Variants in NFKB1 observed in about 807,000 individuals in gnomAD.
The protein encoded by NFKB1 is nuclear factor NF-kappa-B p105 subunit.
NFKB1 carries 9 observed loss-of-function variants against 105.1 expected under a neutral mutation model. The ratio of observed to expected loss-of-function variants is 0.09; its 90% confidence interval spans 0.05 to 0.15. The LOEUF (loss-of-function observed/expected upper bound fraction) is 0.15. Among genes scored for constraint, NFKB1 ranks in the 10% least tolerant of loss-of-function variants. NFKB1 has a pLI of 1.00. For synonymous variants in NFKB1, 440 were observed against 442.2 expected, an observed-to-expected ratio of 1.00 and a Z score of 0.06; for missense variants, 830 against 1,203.7, an observed-to-expected ratio of 0.69 and a Z score of 4.59.
chr4:102,541,422 C>G (rs1243145083), intron 5 of NFKB1, among the ~76,000 whole-genome samples: 1 of 152,106 alleles, frequency 6.6e-6, no homozygotes, highest in Admixed American at 6.6e-5. Context: ...TGTATAATTT[C>G]TGTTAGAATA....
At chr4:102,509,372 T>C (rs1216891635) in intron 1 of NFKB1, among the ~76,000 whole-genome samples, 1 of 152,190 alleles carries the variant, frequency 6.6e-6, no homozygotes, top group South Asian at 2.1e-4. Flanking sequence ...GGTGGGGAAG[T>C]ATCCCATTTC....
At chr4:102,571,640 A>C (rs1428378910) in intron 6 of NFKB1, among the ~76,000 whole-genome samples, 1 of 152,256 alleles carries the variant, frequency 6.6e-6, no homozygotes, top group Non-Finnish European at 1.5e-5. Context: ...TTTACAAGAA[A>C]AAATCAAACA....
intron 8 of NFKB1, 108 bp downstream of exon 8, chr4:102,579,147 G>A (rs1033450521): frequency 9.7e-6 from 11 of 1,139,570 alleles, no homozygotes; most frequent in Non-Finnish European, 1.2e-5. Flanking sequence ...ATCACTTTAA[G>A]CCTCAGCTTT....
intron 1 of NFKB1, among the ~76,000 whole-genome samples, chr4:102,516,725 T>C (rs1338893096): frequency 6.6e-6 from 1 of 152,226 alleles, no homozygotes; most frequent in Non-Finnish European, 1.5e-5. Context: ...CTTATTTTCC[T>C]ATTTCTTTGC....
chr4:102,564,671 G>A (rs961840322), intron 5 of NFKB1, among the ~76,000 whole-genome samples: 11 of 152,150 alleles, frequency 7.2e-5, no homozygotes, highest in Admixed American at 2.6e-4. Flanking sequence ...AGGATACCTC[G>A]GACCTCTTTC....
At chr4:102,518,709 A>G (rs545272195) in intron 1 of NFKB1, among the ~76,000 whole-genome samples, 1 of 152,292 alleles carries the variant, frequency 6.6e-6, no homozygotes, top group African/African-American at 2.4e-5. Flanking sequence ...TCTTTTGGCT[A>G]CTTGACTGGT....
At chr4:102,529,469 A>G (rs1741135146) in intron 2 of NFKB1, among the ~76,000 whole-genome samples, 1 of 152,220 alleles carries the variant, frequency 6.6e-6, no homozygotes, top group South Asian at 2.1e-4. Context: ...AGAGAGTACA[A>G]GCTTCAAATC....
In NFKB1 at chr4:102,607,716, G is replaced by T; in HGVS notation, c.2192G>T (p.Gly731Val). ...TTPLHIAAGR[G>V]STRLAALLKA... is the part of the protein sequence containing the mutation. ...CCCCTGCATATAGCAGCTGGGAGAG[G>T]GTCCACCAGGCTGGCAGCTCTTCTC... Residue 731 changes from glycine to valine, a missense_variant, in exon 19 of 24, where the codon GGG (glycine) becomes GTG (valine). Physicochemically the swap from Gly to Val is moderately radical, Grantham distance 109. Around this residue, in one of 8 missense-constraint regions of NFKB1, gnomAD observed 418 missense variants for 575.3 expected, o/e 0.73. Coordinates refer to ENST00000226574, the MANE Select transcript of NFKB1 (RefSeq NM_003998.4). 6.2e-7 allele frequency: 1 copy of T among 1,614,130 alleles called. No homozygotes were observed. The highest frequency in any genetic ancestry group is 8.5e-7 in the Non-Finnish European group (1 of 1,180,030).
chr4:102,501,863 C>G (rs923915088), intron 1 of NFKB1, 75 bp downstream of exon 1: 1 of 152,696 alleles, frequency 6.5e-6, no homozygotes, highest in South Asian at 2.1e-4. Context: ...CCCTCCGCAC[C>G]CCCTCCAGCC....
intron 4 of NFKB1, among the ~76,000 whole-genome samples, chr4:102,534,507 C>T (rs1741510868): frequency 6.6e-6 from 1 of 152,156 alleles, no homozygotes; most frequent in Non-Finnish European, 1.5e-5. Context: ...TAGCTCAGAA[C>T]TGAAATGGCC....
At chr4:102,594,836 C>A in intron 12 of NFKB1, 56 bp from the exon 13 acceptor site, 1 of 1,278,626 alleles carries the variant, frequency 7.8e-7, no homozygotes, top group Non-Finnish European at 1.1e-6. Flanking sequence ...CTAAGTTGTG[C>A]TGAGTCTTTG....
At chr4:102,558,236 A>G (rs539780563) in intron 5 of NFKB1, among the ~76,000 whole-genome samples, 75 of 151,828 alleles carry the variant, frequency 4.9e-4, no homozygotes, top group Non-Finnish European at 6.6e-4. Flanking sequence ...GTTTCCCTCT[A>G]TGTGGCAATG....
chr4:102,529,353 T>C (rs892634475), intron 2 of NFKB1, among the ~76,000 whole-genome samples: 23 of 152,210 alleles, frequency 1.5e-4, no homozygotes, highest in African/African-American at 4.3e-4. Flanking sequence ...AGGTGCTCTC[T>C]AGCATTCTTT....
chr4:102,546,748 C>T (rs935862760), intron 5 of NFKB1, among the ~76,000 whole-genome samples: 1 of 152,158 alleles, frequency 6.6e-6, no homozygotes, highest in Non-Finnish European at 1.5e-5. Flanking sequence ...TGCAATCACC[C>T]ACTTAATTCA....
chr4:102,613,533 C>G lies in NFKB1; in HGVS notation c.2701C>G (p.Gln901Glu), dbSNP rs558088267. The G allele has an allele frequency of 6.2e-7, 1 of 1,613,892 alleles. No homozygotes were observed. Among genetic ancestry groups the G allele is most frequent in the East Asian group, 2.2e-5 (1 of 44,880 alleles). ...CTCCAGCCCAGTGAAGACCACCTCT[C>G]AGGCCCACTCGCTGCCTCTCTCGCC... ...AASSPVKTTS[Q>E]AHSLPLSPAS... Residue 901 changes from glutamine (Q) to glutamate (E), a missense_variant, in exon 23 of 24, where the codon CAG becomes GAG. Gln to Glu is a conservative substitution (Grantham distance 29). This residue lies in a region of NFKB1 where 418 missense variants were observed against 575.3 expected (regional missense o/e 0.73). Coordinates refer to ENST00000226574, the MANE Select transcript of NFKB1 (RefSeq NM_003998.4).
At chr4:102,518,524 C>A (rs986475327) in intron 1 of NFKB1, among the ~76,000 whole-genome samples, 11 of 151,924 alleles carry the variant, frequency 7.2e-5, no homozygotes, top group Admixed American at 2.0e-4. Context: ...TATTATATTG[C>A]ATTGTTTTTG....
At chr4:102,592,623 A>G (rs1726266534) in intron 11 of NFKB1, among the ~76,000 whole-genome samples, 1 of 152,246 alleles carries the variant, frequency 6.6e-6, no homozygotes, top group African/African-American at 2.4e-5. Context: ...TAGTGTAAAC[A>G]TAATTTTTTT....
In NFKB1 at chr4:102,501,639, C is replaced by G. The variant is rs1269789448; in HGVS notation, c.-157C>G. On this transcript the variant is annotated 5_prime_UTR_variant, in exon 1 of 24. Transcript: ENST00000226574. ...CGGCGCTGACTGGCCTGGCCCGGCC[C>G]CGCCGCGCTCCCGCTCGCCCCGACC... 6.7e-6 allele frequency: 1 copy of G among 149,722 alleles called. No individual in the cohort carries two copies. The highest frequency in any genetic ancestry group is 2.1e-4 in the South Asian group (1 of 4,840). The allele number at this position is 149,722 out of a possible 1,614,324, so 9.3% of individuals were successfully genotyped here. A position where few individuals can be genotyped will look rare whatever the true frequency, so the allele number is the denominator to read the frequency against.
At chr4:102,590,556 T>C (rs1726084958) in intron 11 of NFKB1, among the ~76,000 whole-genome samples, 2 of 149,574 alleles carry the variant, frequency 1.3e-5, no homozygotes, top group Non-Finnish European at 3.0e-5. Flanking sequence ...TTATATCCAT[T>C]ATGGTGATCT....
Sources: gnomAD v4.1 joint callset for allele counts (sites outside exome capture counted in the v4.1 genomes callset) on GRCh38, gnomAD v4.1.1 for gene constraint, gnomAD v4.1.1 regional missense constraint, MANE v1.5 for transcripts, NCBI Gene and HGNC (gene_info 2026-07-23, HGNC 2026-07-21) for gene names.